CD6: variants seen among roughly 807,000 people sequenced by gnomAD.
CD6 encodes CD6 molecule.
Under a neutral mutation model 75.3 loss-of-function variants are expected in CD6, and 53 were observed. The observed-to-expected ratio is 0.70, with a 90% CI of 0.56 to 0.88. The LOEUF is 0.88. CD6 is among the 40% of genes least tolerant of loss of function. The pLI is 0.00. For synonymous variants in CD6, 359 were observed against 381.5 expected (o/e 0.94, Z 0.69); for missense variants, 770 against 897.1 (o/e 0.86, Z 1.81).
intron 1 of CD6, among the ~76,000 whole-genome samples, chr11:61,006,021 A>G (rs1858839284): frequency 6.6e-6 from 1 of 152,218 alleles, no homozygotes; most frequent in Non-Finnish European, 1.5e-5. Flanking sequence ...CTAGTTTCTT[A>G]GTGTCTGAAG....
At chr11:60,985,080 C>T (rs1857748078) in intron 1 of CD6, 1 of 151,294 alleles carries the variant, frequency 6.6e-6, no homozygotes, top group South Asian at 2.1e-4. Context: ...GAACGCTTCA[C>T]GAATTCACGT....
chr11:60,975,335 G>T (rs1040743413), intron 1 of CD6, among the ~76,000 whole-genome samples: 2 of 152,168 alleles, frequency 1.3e-5, no homozygotes, highest in African/African-American at 4.8e-5. Flanking sequence ...ATTGAGATGT[G>T]TAAAGTGTAA....
intron 1 of CD6, among the ~76,000 whole-genome samples, chr11:60,972,353 G>A (rs1216365629): frequency 6.6e-6 from 1 of 152,320 alleles, no homozygotes; most frequent in Non-Finnish European, 1.5e-5. Context: ...AATCACAGGA[G>A]AGCACCTCCC....
At chr11:61,006,688 G>A (rs1312918572) in intron 2 of CD6, 46 bp downstream of exon 2, 3 of 1,495,992 alleles carry the variant, frequency 2.0e-6, no homozygotes, top group Non-Finnish European at 2.8e-6. Flanking sequence ...CTTTCTGTAG[G>A]TGGTCCCCCA....
chr11:60,975,677 G>C (rs1198605093), intron 1 of CD6, among the ~76,000 whole-genome samples: 1 of 152,120 alleles, frequency 6.6e-6, no homozygotes, highest in Non-Finnish European at 1.5e-5. Flanking sequence ...GTACAAGCCT[G>C]TTGTCCCAGC....
At chr11:60,987,014 G>T (rs1857845568) in intron 1 of CD6, among the ~76,000 whole-genome samples, 1 of 152,140 alleles carries the variant, frequency 6.6e-6, no homozygotes, top group South Asian at 2.1e-4. Flanking sequence ...TGTAATCCCG[G>T]CTACTCAGGA....
rs755415320 is a variant in CD6 at position 61,017,894 on chromosome 11, G to A, written c.1718G>A (p.Cys573Tyr). 4.3e-6 allele frequency: 7 copies of A among 1,614,046 alleles called. No homozygotes were observed. Among genetic ancestry groups the A allele is most frequent in the East Asian group, 2.2e-5 (1 of 44,868 alleles). Reference sequence around the variant, plus strand: ...AGCACCTCTTCAGGGGAGGATTACTGCAATAGTCCCAAAAGCAAGCTGCCT... The same window carrying A: ...AGCACCTCTTCAGGGGAGGATTACTACAATAGTCCCAAAAGCAAGCTGCCT... ...ESSTSSGEDY[C>Y]NSPKSKLPPW... The change falls in exon 11 of 13, where the codon TGC becomes TAC. Residue 573 changes from cysteine to tyrosine, a missense_variant. Coordinates refer to ENST00000313421, the MANE Select transcript of CD6 (RefSeq NM_006725.5).
In CD6 at chr11:61,013,410, T is replaced by A. The variant is rs1859244046; in HGVS notation, c.1151-13T>A. 2 of 1,613,290 alleles carry A rather than the reference T, an allele frequency of 1.2e-6. No homozygotes were observed. The highest frequency in any genetic ancestry group is 2.7e-5 in the African/African-American group (2 of 74,900). On this transcript the variant is annotated splice_polypyrimidine_tract_variant and intron_variant, in intron 6 of 12. Transcript: ENST00000313421. ...ATTCCTCTTTCTTCCTGAATTGGAA[T>A]TCTTGTTTCCAGAATCTTCTGTGAC...
At chr11:61,006,463 C>T in intron 1 of CD6, 111 bp from the exon 2 acceptor site, 2 of 819,454 alleles carry the variant, frequency 2.4e-6, no homozygotes, top group Non-Finnish European at 4.0e-6. Context: ...TTTCCAAAGG[C>T]CTCATGTAGC....
chr11:60,982,657 G>A (rs1256603874), intron 1 of CD6: 2 of 455,956 alleles, frequency 4.4e-6, no homozygotes, highest in Non-Finnish European at 8.8e-6. Context: ...TCAGCTCCTT[G>A]GAGAAATATG....
intron 1 of CD6, among the ~76,000 whole-genome samples, chr11:60,977,256 G>A (rs979274524): frequency 2.6e-5 from 4 of 152,194 alleles, no homozygotes; most frequent in Admixed American, 6.5e-5. Flanking sequence ...CTGGGGCAAG[G>A]AGGAATAAAC....
chr11:60,988,753 C>T lies in CD6; in HGVS notation c.49+16839C>T, dbSNP rs561334429. ...ACCCTGGAAAGGTCTCAGCATCACC[C>T]CTTGGAGCGGGGAGGATTTTCACCC... On this transcript the variant is annotated intron_variant, in intron 1 of 12. Transcript: ENST00000313421. 5.9e-5 allele frequency among the ~76,000 whole-genome samples: 9 copies of T among 152,300 alleles called. No homozygotes were observed. In the South Asian group the frequency reaches 1.9e-3, roughly 32 times the overall value.
intron 1 of CD6, among the ~76,000 whole-genome samples, chr11:60,978,086 A>G (rs537215807): frequency 6.6e-6 from 1 of 152,352 alleles, no homozygotes; most frequent in East Asian, 1.9e-4. Flanking sequence ...AGGGAAATAA[A>G]GAGTATGCAT....
intron 3 of CD6, chr11:61,008,309 C>G: frequency 1.8e-6 from 1 of 547,976 alleles, no homozygotes; most frequent in South Asian, 2.9e-5. Flanking sequence ...GCTCCCAAAC[C>G]TGCCCTCCAG....
chr11:61,015,678 A>G lies in CD6; in HGVS notation c.1388-35A>G, dbSNP rs200867670. 2.2e-4 allele frequency: 354 copies of G among 1,612,430 alleles called. 1 individual carries two copies. In the East Asian group the frequency reaches 5.2e-3, roughly 23 times the overall value. The stretch of plus-strand genomic sequence containing the variant: ...CCCTCCCTACACCTTTCCGCCCACC[A>G]CTTTGCCATGCCCTCGACTCTGTTC... On this transcript the variant is annotated intron_variant, in intron 8 of 12. Coordinates refer to ENST00000313421, the MANE Select transcript of CD6 (RefSeq NM_006725.5).
chr11:60,999,565 A>G (rs1858477345), intron 1 of CD6, among the ~76,000 whole-genome samples: 1 of 151,984 alleles, frequency 6.6e-6, no homozygotes, highest in Admixed American at 6.6e-5. Flanking sequence ...TGCTTCTGCC[A>G]CTTAACATTG....
chr11:60,973,711 G>A (rs1338571451), intron 1 of CD6, among the ~76,000 whole-genome samples: 1 of 152,182 alleles, frequency 6.6e-6, no homozygotes, highest in Non-Finnish European at 1.5e-5. Flanking sequence ...GCTCTAGCAG[G>A]TATTTTCTTC....
chr11:61,017,620 C>A (rs555757310), intron 10 of CD6, 70 bp downstream of exon 10: 58 of 1,567,566 alleles, frequency 3.7e-5, no homozygotes, highest in East Asian at 1.1e-4. Flanking sequence ...CAGCTTGAGA[C>A]CTTCCAGCAG....
chr11:60,981,355 G>C (rs914123619), intron 1 of CD6, among the ~76,000 whole-genome samples: 3 of 152,142 alleles, frequency 2.0e-5, no homozygotes, highest in Non-Finnish European at 4.4e-5. Flanking sequence ...CTTTTTCCCA[G>C]CCCTGGAATT....
Sources: allele counts gnomAD v4.1 joint callset (sites outside exome capture counted in the v4.1 genomes callset), GRCh38; gene constraint gnomAD v4.1.1; transcripts MANE v1.5; gene names NCBI Gene and HGNC (gene_info 2026-07-23, HGNC 2026-07-21).